MICAL3: variants seen among roughly 807,000 people sequenced by gnomAD.
The protein encoded by MICAL3 is [F-actin]-monooxygenase MICAL3.
Under a neutral mutation model 207.4 loss-of-function variants are expected in MICAL3, and 62 were observed. That is an observed-to-expected ratio of 0.30 (90% CI 0.24 to 0.37). MICAL3 has a LOEUF of 0.37. Among genes scored for constraint, MICAL3 ranks in the 10% least tolerant of loss-of-function variants. The pLI is 1.00. For missense variants in MICAL3, 2,368 were observed against 2,635.6 expected, an observed-to-expected ratio of 0.90 and a Z score of 2.22; for synonymous variants, 1,077 against 1,069.3, an observed-to-expected ratio of 1.01 and a Z score of -0.14.
chr22:17,828,099 AG>A (rs1267532922), intron 21 of MICAL3, among the ~76,000 whole-genome samples: 1 of 152,142 alleles, frequency 6.6e-6, no homozygotes, highest in African/African-American at 2.4e-5. Flanking sequence ...AGCTGCATTC[AG>A]GGGGCCCATG....
intron 1 of MICAL3, among the ~76,000 whole-genome samples, chr22:17,987,555 G>A (rs1324090966): frequency 1.3e-5 from 2 of 152,214 alleles, no homozygotes; most frequent in African/African-American, 4.8e-5. Flanking sequence ...AGGTGTGTGG[G>A]TGCAGAGACG....
rs1325483402 is a variant in MICAL3, at chr22:17,891,742, A to T, written c.1547-110T>A. 3.9e-6 allele frequency: 4 copies of T among 1,012,690 alleles called. No homozygotes were observed. In the Admixed American group the frequency reaches 9.1e-5, roughly 23 times the overall value. The allele number at this position is 1,012,690 out of a possible 1,614,324, so 62.7% of individuals were successfully genotyped here. On this transcript the variant is annotated intron_variant, in intron 11 of 31. Coordinates refer to ENST00000441493, the MANE Select transcript of MICAL3 (RefSeq NM_015241.3). ...CTTTGAAAAATTACTGAGGGTAGGGACGAAACAGTCAACACTAGTTTCCAT... is the reference window on the plus strand; with the variant it reads ...CTTTGAAAAATTACTGAGGGTAGGGTCGAAACAGTCAACACTAGTTTCCAT...
intron 1 of MICAL3, among the ~76,000 whole-genome samples, chr22:18,000,331 C>T (rs894987033): frequency 7.9e-5 from 12 of 151,910 alleles, no homozygotes; most frequent in African/African-American, 2.4e-4. Flanking sequence ...TCACAATTAA[C>T]ATCTGCATTA....
At chr22:17,886,484 C>T (rs1247287112) in intron 15 of MICAL3, among the ~76,000 whole-genome samples, 3 of 151,872 alleles carry the variant, frequency 2.0e-5, no homozygotes, top group Non-Finnish European at 4.4e-5. Context: ...CTGGACAACA[C>T]GGTAAAACCC....
chr22:17,830,351 T>C (rs942316819), intron 21 of MICAL3, among the ~76,000 whole-genome samples: 3 of 152,096 alleles, frequency 2.0e-5, no homozygotes, highest in African/African-American at 7.2e-5. Context: ...TGTCAGTATG[T>C]GTTTGTGTAG....
At chr22:17,863,286 T>G (rs1926712874) in intron 19 of MICAL3, 1 of 985,296 alleles carries the variant, frequency 1.0e-6, no homozygotes, top group Admixed American at 6.1e-5. Context: ...TAGTTTCTTT[T>G]GAGTTGTTCT....
Position 17,976,535 on chromosome 22 carries a change from ATGTGTGTGTG to A in MICAL3, c.-75+47736_-75+47745del, listed in dbSNP as rs148517944. On this transcript the variant is annotated intron_variant, in intron 1 of 31. Transcript: ENST00000441493. The stretch of plus-strand genomic sequence containing the variant: ...TATACATGTATATATGTGTATATAT[ATGTGTGTGTG>A]TGTGTGTGTGTGTGTGTATATATAT... Among the ~76,000 whole-genome samples, 13 of 97,072 alleles carry A rather than the reference ATGTGTGTGTG, an allele frequency of 1.3e-4. No individual in the cohort carries two copies. In the East Asian group the frequency reaches 1.9e-3, roughly 14 times the overall value. The allele number at this position is 97,072 out of a possible 152,430, so 63.7% of individuals were successfully genotyped here. A position where few individuals can be genotyped will look rare whatever the true frequency, so the allele number is the denominator to read the frequency against.
At chr22:17,952,879 G>A (rs1278630586) in intron 1 of MICAL3, among the ~76,000 whole-genome samples, 2 of 152,118 alleles carry the variant, frequency 1.3e-5, no homozygotes, top group Non-Finnish European at 2.9e-5. Flanking sequence ...TTCCTTTTCG[G>A]GCAAAAGAAG....
At position 17,928,112 on chromosome 22, in the gene MICAL3, C is replaced by T. The variant is rs943612510; in HGVS notation, c.-74-21226G>A. Among the ~76,000 whole-genome samples the T allele has an allele frequency of 7.9e-5, 12 of 152,180 alleles. No homozygotes were observed. The South Asian group carries it at 1.2e-3, about 16-fold the overall frequency. Reference sequence around the variant, plus strand: ...TGGACACATTCACCCACTGCAGGAACGCTACCTGATGCGAGGAATAGTACT... The same window carrying T: ...TGGACACATTCACCCACTGCAGGAATGCTACCTGATGCGAGGAATAGTACT... On this transcript the variant is annotated intron_variant, in intron 1 of 31. Coordinates refer to ENST00000441493, the MANE Select transcript of MICAL3 (RefSeq NM_015241.3).
intron 1 of MICAL3, among the ~76,000 whole-genome samples, chr22:17,934,668 G>A (rs1192163456): frequency 6.6e-6 from 1 of 152,098 alleles, no homozygotes; most frequent in Non-Finnish European, 1.5e-5. Flanking sequence ...AAGTCAAATT[G>A]TCCCCGTTTG....
rs1203460561 is a variant in MICAL3 at position 17,831,920 on chromosome 22, C to CCTT, written c.2988_2989insAAG (p.Glu996_Glu997insLys). The stretch of plus-strand genomic sequence containing the variant: ...TCCTCCTCTTCATATTCTTCCTCCT[C>CCTT]CTCCTCCTCCTCTTCATTCCCAGGC... On this transcript the variant is annotated inframe_insertion, in exon 21 of 32. Transcript: ENST00000441493. The CCTT allele has an allele frequency of 6.4e-7, 1 of 1,563,256 alleles. No homozygotes were observed. The highest frequency in any genetic ancestry group is 1.4e-5 in the African/African-American group (1 of 73,552).
intron 20 of MICAL3, chr22:17,834,583 TAAC>T (rs1413146794): frequency 1.8e-6 from 2 of 1,125,222 alleles, no homozygotes; most frequent in Non-Finnish European, 2.2e-6. Context: ...AAATTAAAAA[TAAC>T]AAAAGCTCCT....
At chr22:17,871,284 C>T (rs1319790229) in intron 17 of MICAL3, among the ~76,000 whole-genome samples, 1 of 152,180 alleles carries the variant, frequency 6.6e-6, no homozygotes. Flanking sequence ...AAGACCAGGC[C>T]TTGAACACCA....
In MICAL3 at chr22:17,818,280, G is replaced by A; in HGVS notation, c.4381C>T (p.Pro1461Ser). ...AMLTPPSSPP[P>S]PPPPGEEPAT... ...GGCTCCTCGCCCGGGGGTGGCGGTG[G>A]GGGCGGGCTGGAGGGGGGCGTGAGC... is the stretch of plus-strand genomic sequence containing the variant. Residue 1461 changes from proline to serine, a missense_variant, in exon 26 of 32, where the codon CCA (proline) becomes TCA (serine). Pro to Ser is a moderately conservative substitution (Grantham distance 74). Coordinates refer to ENST00000441493, the MANE Select transcript of MICAL3 (RefSeq NM_015241.3). The A allele has an allele frequency of 6.6e-7, 1 of 1,508,426 alleles. No homozygotes were observed. Among genetic ancestry groups the A allele is most frequent in the Non-Finnish European group, 8.8e-7 (1 of 1,133,478 alleles). 93.4% of individuals were successfully genotyped at this position (1,508,426 alleles called of 1,614,324 possible).
At chr22:17,929,809 C>T (rs1471046018) in intron 1 of MICAL3, among the ~76,000 whole-genome samples, 1 of 152,196 alleles carries the variant, frequency 6.6e-6, no homozygotes, top group Non-Finnish European at 1.5e-5. Flanking sequence ...CTCAGGTGAT[C>T]CACCCGCCTT....
chr22:17,967,415 A>C (rs905523788), intron 1 of MICAL3, among the ~76,000 whole-genome samples: 1 of 147,160 alleles, frequency 6.8e-6, no homozygotes, highest in Middle Eastern at 3.5e-3. Flanking sequence ...TATTTGATGA[A>C]TCTGCCCTAT....
At chr22:17,935,047 A>G (rs1933448971) in intron 1 of MICAL3, among the ~76,000 whole-genome samples, 1 of 152,170 alleles carries the variant, frequency 6.6e-6, no homozygotes, top group African/African-American at 2.4e-5. Context: ...CAAGCTACGA[A>G]TGACTTTCTT....
chr22:17,810,273 C>T (rs533185554), intron 28 of MICAL3, among the ~76,000 whole-genome samples: 24 of 152,010 alleles, frequency 1.6e-4, no homozygotes, highest in Non-Finnish European at 2.8e-4. Flanking sequence ...CCGTGTTAGC[C>T]AGGATGGTCT....
At chr22:17,810,619 G>T in intron 28 of MICAL3, 84 bp downstream of exon 28, 1 of 1,112,802 alleles carries the variant, frequency 9.0e-7, no homozygotes, top group Non-Finnish European at 1.4e-6. Flanking sequence ...CTGTGCTTGT[G>T]TGGCAGGGAG....
Sources: allele counts gnomAD v4.1 joint callset (sites outside exome capture counted in the v4.1 genomes callset), GRCh38; gene constraint gnomAD v4.1.1; transcripts MANE v1.5; gene names NCBI Gene and HGNC (gene_info 2026-07-23, HGNC 2026-07-21).